The following CAGE1 variants were observed in gnomAD, a reference collection of about 807,000 sequenced individuals.
CAGE1 encodes the protein cancer-associated gene 1 protein.
Under a neutral mutation model 94.9 loss-of-function variants are expected in CAGE1, and 66 were observed. The ratio of observed to expected loss-of-function variants is 0.70; its 90% CI spans 0.57 to 0.85. CAGE1 has a LOEUF of 0.85. CAGE1 is among the 40% of genes least tolerant of loss of function. The pLI is 0.00. For synonymous variants in CAGE1, 319 were observed against 321.0 expected, an observed-to-expected ratio of 0.99 and a Z score of 0.07; for missense variants, 865 against 950.4, an observed-to-expected ratio of 0.91 and a Z score of 1.18.
At chr6:7,382,244 A>G (rs1193200503) in intron 3 of CAGE1, among the ~76,000 whole-genome samples, 1 of 151,962 alleles carries the variant, frequency 6.6e-6, no homozygotes, top group Non-Finnish European at 1.5e-5. Flanking sequence ...TTACTTTATT[A>G]TACTTTGGCC....
At chr6:7,333,013 C>T (rs1293997281) in intron 12 of CAGE1, among the ~76,000 whole-genome samples, 3 of 151,950 alleles carry the variant, frequency 2.0e-5, no homozygotes, top group South Asian at 2.1e-4. Context: ...TGCAGTGGCA[C>T]GATCTCAGCT....
At chr6:7,345,200 C>T (rs940789359) in intron 11 of CAGE1, among the ~76,000 whole-genome samples, 3 of 108,284 alleles carry the variant, frequency 2.8e-5, no homozygotes, top group South Asian at 2.6e-4. Flanking sequence ...TTTGTAGTTT[C>T]ACTCTTTGAA....
intron 9 of CAGE1, among the ~76,000 whole-genome samples, chr6:7,359,107 C>A (rs1760083248): frequency 1.3e-5 from 2 of 151,914 alleles, no homozygotes; most frequent in Admixed American, 1.3e-4. Context: ...AGTGCAATGG[C>A]ACAATCTTGG....
At chr6:7,359,536 C>T (rs1303947584) in intron 9 of CAGE1, among the ~76,000 whole-genome samples, 1 of 152,160 alleles carries the variant, frequency 6.6e-6, no homozygotes, top group East Asian at 1.9e-4. Flanking sequence ...GCTGAACACA[C>T]ATGTTGGGTC....
intron 13 of CAGE1, chr6:7,329,038 TCTC>T (rs1758646148): frequency 9.2e-6 from 2 of 218,038 alleles, no homozygotes; most frequent in African/African-American, 4.7e-5. Flanking sequence ...TTCAAGCTAT[TCTC>T]CTGCCTCAGC....
Position 7,351,145 on chromosome 6 carries a change from A to G in CAGE1, c.2369+3896T>C, listed in dbSNP as rs959264415. Among the ~76,000 whole-genome samples, 5 of 152,214 alleles carry G rather than the reference A, an allele frequency of 3.3e-5. No homozygotes were observed. The East Asian group carries it at 5.8e-4, about 18-fold the overall frequency. On this transcript the variant is annotated intron_variant, in intron 11 of 13. Coordinates refer to ENST00000502583, the MANE Select transcript of CAGE1 (RefSeq NM_001170692.2). Reference sequence around the variant, plus strand: ...ACAACTGACACCACTGAAATACAGAAGATCATTCAATGCTGCTATGAACAT... The same window carrying G: ...ACAACTGACACCACTGAAATACAGAGGATCATTCAATGCTGCTATGAACAT...
intron 11 of CAGE1, among the ~76,000 whole-genome samples, chr6:7,350,759 G>A (rs887105349): frequency 2.0e-5 from 3 of 152,096 alleles, no homozygotes; most frequent in African/African-American, 4.8e-5. Flanking sequence ...TACAGCAAAG[G>A]TGGCAATAAG....
intron 11 of CAGE1, among the ~76,000 whole-genome samples, chr6:7,345,699 G>A (rs1223792835): frequency 1.3e-5 from 2 of 152,000 alleles, no homozygotes; most frequent in Admixed American, 6.6e-5. Flanking sequence ...AGGCTGAGGC[G>A]GGCAGATCAT....
Position 7,339,385 on chromosome 6 carries a change from T to G in CAGE1, c.2370-5295A>C. On this transcript the variant is annotated intron_variant, in intron 11 of 13. Coordinates refer to ENST00000502583, the MANE Select transcript of CAGE1 (RefSeq NM_001170692.2). The surrounding 1 kb of genome is among the most constrained non-coding windows in gnomAD (Gnocchi z 4.7). ...GTCAGTTCCCGAATCCGCCGGCCCT[T>G]CTCACCAAGAACATTCTGTGTTCTG... 1.2e-6 allele frequency: 2 copies of G among 1,606,384 alleles called. No individual in the cohort carries two copies. The highest frequency in any genetic ancestry group is 8.5e-7 in the Non-Finnish European group (1 of 1,173,918).
intron 12 of CAGE1, among the ~76,000 whole-genome samples, chr6:7,330,946 A>G (rs1400228490): frequency 3.3e-5 from 5 of 152,254 alleles, no homozygotes; most frequent in Admixed American, 3.3e-4. Context: ...AAATAAGCCT[A>G]GGAAAAAAAT....
At chr6:7,342,027 A>G (rs1056812233) in intron 11 of CAGE1, 4 of 846,574 alleles carry the variant, frequency 4.7e-6, no homozygotes. Flanking sequence ...TGTCCTTATG[A>G]TATTTGTCTT....
Position 7,369,914 on chromosome 6 carries a change from A to T in CAGE1, c.1893+5T>A. On this transcript the variant is annotated splice_donor_5th_base_variant and intron_variant, in intron 6 of 13. Coordinates refer to ENST00000502583, the MANE Select transcript of CAGE1 (RefSeq NM_001170692.2). ...CTAAAATATCTAATATATATGTTTT[A>T]TTACCTGGCATGTGAGAAGTCCCAC... is the stretch of plus-strand genomic sequence containing the variant. The T allele has an allele frequency of 6.2e-7, 1 of 1,605,810 alleles. No homozygotes were observed. The highest frequency in any genetic ancestry group is 1.3e-5 in the African/African-American group (1 of 74,354).
intron 9 of CAGE1, among the ~76,000 whole-genome samples, chr6:7,356,859 C>T (rs562608861): frequency 2.2e-4 from 34 of 152,216 alleles, no homozygotes; most frequent in Admixed American, 6.5e-4. Flanking sequence ...CACAGTGGCA[C>T]GATCTCAGCT....
chr6:7,366,454 A>G (rs547763855), intron 7 of CAGE1, among the ~76,000 whole-genome samples: 2 of 152,232 alleles, frequency 1.3e-5, no homozygotes, highest in African/African-American at 4.8e-5. Flanking sequence ...TCTGATGTAA[A>G]TGGCTTATGG....
At chr6:7,352,791 G>A (rs532166799) in intron 11 of CAGE1, among the ~76,000 whole-genome samples, 1 of 152,280 alleles carries the variant, frequency 6.6e-6, no homozygotes, top group Admixed American at 6.5e-5. Context: ...ACATAAAGTG[G>A]GGAAAGGACA....
chr6:7,358,247 T>C (rs183100421), intron 9 of CAGE1, among the ~76,000 whole-genome samples: 18 of 151,676 alleles, frequency 1.2e-4, no homozygotes, highest in Admixed American at 2.6e-4. Context: ...CATAGATTAC[T>C]TTGTATATTC....
At chr6:7,355,287 C>A (rs1015484758) in intron 10 of CAGE1, among the ~76,000 whole-genome samples, 176 bp from the exon 11 acceptor site, 3 of 152,072 alleles carry the variant, frequency 2.0e-5, no homozygotes, top group Non-Finnish European at 4.4e-5. Flanking sequence ...TGATAACACG[C>A]CCATTAATCA....
intron 9 of CAGE1, among the ~76,000 whole-genome samples, chr6:7,365,060 T>C (rs1236023398): frequency 6.6e-6 from 1 of 152,196 alleles, no homozygotes. Context: ...ATTTTTCCTA[T>C]TTTATCTGCC....
In CAGE1 at chr6:7,356,015, A is replaced by C. The variant is rs1759942700; in HGVS notation, c.2298+10T>G. 1.4e-6 allele frequency: 2 copies of C among 1,463,920 alleles called. No individual in the cohort carries two copies. Among genetic ancestry groups the C allele is most frequent in the Non-Finnish European group, 9.4e-7 (1 of 1,068,782 alleles). The allele number at this position is 1,463,920 out of a possible 1,614,324, so 90.7% of individuals were successfully genotyped here. A position where few individuals can be genotyped will look rare whatever the true frequency, so the allele number is the denominator to read the frequency against. On this transcript the variant is annotated intron_variant, in intron 10 of 13. Coordinates refer to ENST00000502583, the MANE Select transcript of CAGE1 (RefSeq NM_001170692.2). ...TTGTCTCAAAATACAAAAGAAAAAAAAATGTCTACCTTCTTTATTAAGTTG... is the reference window on the plus strand; with the variant it reads ...TTGTCTCAAAATACAAAAGAAAAAACAATGTCTACCTTCTTTATTAAGTTG...
Sources: allele counts gnomAD v4.1 joint callset (sites outside exome capture counted in the v4.1 genomes callset), GRCh38; gene constraint gnomAD v4.1.1; non-coding constraint Gnocchi (gnomAD v3.1); transcripts MANE v1.5; gene names NCBI Gene and HGNC (gene_info 2026-07-23, HGNC 2026-07-21).